TAOK3: variants seen among roughly 807,000 people sequenced by gnomAD.
The protein encoded by TAOK3 is TAO kinase 3, also known as serine/threonine-protein kinase TAO3.
A neutral mutation model predicts 120.4 loss-of-function variants in TAOK3; 40 were observed. The observed-to-expected ratio is 0.33, with a 90% CI of 0.26 to 0.43. The LOEUF is 0.43. Among genes scored for constraint, TAOK3 ranks in the 20% least tolerant of loss-of-function variants. The probability of loss-of-function intolerance (pLI) is 1.00; values close to 1 mark genes in which losing one functional copy is unlikely to be tolerated. For missense variants in TAOK3, 821 were observed against 1,112.1 expected, an observed-to-expected ratio of 0.74 and a Z score of 3.72; for synonymous variants, 355 against 387.5, an observed-to-expected ratio of 0.92 and a Z score of 0.99.
At chr12:118,226,809 T>C (rs535304505) in intron 9 of TAOK3, among the ~76,000 whole-genome samples, 115 of 152,300 alleles carry the variant, frequency 7.6e-4, no homozygotes, top group African/African-American at 2.7e-3. Context: ...TTTCAATTCA[T>C]TTTTATAAGA....
chr12:118,290,542 T>G (rs1192416193), intron 1 of TAOK3, among the ~76,000 whole-genome samples: 1 of 152,122 alleles, frequency 6.6e-6, no homozygotes, highest in Non-Finnish European at 1.5e-5. Flanking sequence ...AGGTTAAGTA[T>G]CTCTCCATTA....
intron 5 of TAOK3, among the ~76,000 whole-genome samples, chr12:118,240,024 T>C (rs2040178351): frequency 6.6e-6 from 1 of 151,954 alleles, no homozygotes; most frequent in Non-Finnish European, 1.5e-5. Context: ...AAAAATTAGC[T>C]TGGCATGGTG....
chr12:118,253,987 G>A (rs1286695148), intron 3 of TAOK3, among the ~76,000 whole-genome samples: 2 of 152,138 alleles, frequency 1.3e-5, no homozygotes, highest in Non-Finnish European at 2.9e-5. Context: ...TCCAGGAGGC[G>A]GAGGTTGCAG....
At position 118,371,128 on chromosome 12, in the gene TAOK3, T is replaced by C. The variant is rs2045879631; in HGVS notation, c.-194+1520A>G. Among the ~76,000 whole-genome samples the C allele has an allele frequency of 6.6e-6, 1 of 152,174 alleles. No individual in the cohort carries two copies. The highest frequency in any genetic ancestry group is 2.4e-5 in the African/African-American group (1 of 41,446). On this transcript the variant is annotated intron_variant, in intron 1 of 20. Transcript: ENST00000392533. The surrounding 1 kb of genome is among the most constrained non-coding windows in gnomAD (Gnocchi z 5.5). ...TGATATGCTGCCAAATCTAAAAAAGTTTCTTAGCTCCTTGAGCTAAAATGA... is the reference window on the plus strand; with the variant it reads ...TGATATGCTGCCAAATCTAAAAAAGCTTCTTAGCTCCTTGAGCTAAAATGA...
At chr12:118,159,795 C>T (rs1487962729) in intron 19 of TAOK3, 1 of 321,884 alleles carries the variant, frequency 3.1e-6, no homozygotes. Context: ...AGGGCAGGGA[C>T]TCTTATTCAT....
At chr12:118,364,336 T>G (rs947679056) in intron 1 of TAOK3, among the ~76,000 whole-genome samples, 5 of 152,110 alleles carry the variant, frequency 3.3e-5, no homozygotes, top group African/African-American at 1.2e-4. Context: ...TGTCCTTCCC[T>G]TGCACCTTAT....
At chr12:118,228,040 C>T (rs1289993477) in intron 9 of TAOK3, among the ~76,000 whole-genome samples, 2 of 151,718 alleles carry the variant, frequency 1.3e-5, no homozygotes, top group Non-Finnish European at 2.9e-5. Flanking sequence ...CCTTTTTCTT[C>T]TAAAAAAATA....
intron 19 of TAOK3, among the ~76,000 whole-genome samples, chr12:118,155,339 T>C (rs544336146): frequency 3.3e-4 from 50 of 152,354 alleles, no homozygotes; most frequent in African/African-American, 1.1e-3. Flanking sequence ...CATTAATTTA[T>C]GTTTTGTCTA....
At chr12:118,171,374 TTG>T (rs761437973) in intron 17 of TAOK3, among the ~76,000 whole-genome samples, 74 of 152,296 alleles carry the variant, frequency 4.9e-4, no homozygotes, top group Admixed American at 1.0e-3. Flanking sequence ...GTTTGTTTGT[TTG>T]AGATAAGTCT....
chr12:118,264,035 C>T (rs957654184), intron 2 of TAOK3, among the ~76,000 whole-genome samples: 23 of 152,326 alleles, frequency 1.5e-4, no homozygotes, highest in African/African-American at 5.3e-4. Flanking sequence ...CATTGCACTC[C>T]AGCCTGGGCA....
chr12:118,246,368 TTTC>T, intron 3 of TAOK3: 1 of 1,600,042 alleles, frequency 6.2e-7, no homozygotes, highest in South Asian at 1.1e-5. Flanking sequence ...AGATCATTGA[TTTC>T]TTCCTGGGGG....
chr12:118,256,397 C>G (rs75969380), intron 2 of TAOK3, among the ~76,000 whole-genome samples: 3,104 of 152,256 alleles, frequency 0.02, 110 homozygotes, highest in African/African-American at 0.071. Context: ...GTTTCCACTT[C>G]TAAGTACACA....
chr12:118,323,852 T>C (rs1489094689), intron 1 of TAOK3, among the ~76,000 whole-genome samples: 1 of 152,114 alleles, frequency 6.6e-6, no homozygotes, highest in African/African-American at 2.4e-5. Context: ...ATGAAAAAGA[T>C]GAAATTAATA....
intron 17 of TAOK3, among the ~76,000 whole-genome samples, chr12:118,165,669 A>C (rs2035534570): frequency 6.6e-6 from 1 of 152,194 alleles, no homozygotes; most frequent in Non-Finnish European, 1.5e-5. Context: ...AAGTCTCTTA[A>C]TCTGTATTTC....
intron 19 of TAOK3, among the ~76,000 whole-genome samples, chr12:118,153,837 G>A (rs1297129332): frequency 6.6e-6 from 1 of 152,106 alleles, no homozygotes; most frequent in Non-Finnish European, 1.5e-5. Flanking sequence ...AATAGTTTTA[G>A]TTATTTGCAT....
At chr12:118,310,656 T>C (rs188726482) in intron 1 of TAOK3, among the ~76,000 whole-genome samples, 1 of 152,292 alleles carries the variant, frequency 6.6e-6, no homozygotes, top group African/African-American at 2.4e-5. Flanking sequence ...ATTTAATATA[T>C]AATATCTATT....
chr12:118,233,768 ACCAAACATAAGGTACAAAACTCAAGT>A lies in TAOK3; in HGVS notation c.552-29_552-4del. On this transcript the variant is annotated splice_polypyrimidine_tract_variant and splice_region_variant and intron_variant, in intron 8 of 20. Coordinates refer to ENST00000392533, the MANE Select transcript of TAOK3 (RefSeq NM_016281.4). ...CTAAGATCACCTCTGGAGCCATCCTACCAAACATAAGGTACAAAACTCAAGTTGGAGATTAAAAACAAAATTTCTCC... is the reference window on the plus strand; with the variant it reads ...CTAAGATCACCTCTGGAGCCATCCTATGGAGATTAAAAACAAAATTTCTCC... 6.3e-7 allele frequency: 1 copy of A among 1,595,516 alleles called. No individual in the cohort carries two copies. Among genetic ancestry groups the A allele is most frequent in the South Asian group, 1.1e-5 (1 of 87,184 alleles).
intron 2 of TAOK3, among the ~76,000 whole-genome samples, chr12:118,264,630 A>G (rs761406198): frequency 1.3e-5 from 2 of 152,176 alleles, no homozygotes; most frequent in African/African-American, 2.4e-5. Flanking sequence ...TTTGGGAGTG[A>G]TAGTGGATAT....
chr12:118,294,185 C>T (rs1022817164), intron 1 of TAOK3, among the ~76,000 whole-genome samples: 1 of 151,982 alleles, frequency 6.6e-6, no homozygotes, highest in African/African-American at 2.4e-5. Flanking sequence ...ATAAAATGTA[C>T]AACCTGATGA....
Sources: gnomAD v4.1 joint callset for allele counts (sites outside exome capture counted in the v4.1 genomes callset) on GRCh38, gnomAD v4.1.1 for gene constraint, Gnocchi (gnomAD v3.1) non-coding constraint, MANE v1.5 for transcripts, NCBI Gene and HGNC (gene_info 2026-07-23, HGNC 2026-07-21) for gene names.